Variants in GTF2F2 observed in about 807,000 individuals in gnomAD.
GTF2F2 encodes ATP-dependent helicase GTF2F2.
A neutral mutation model predicts 42.2 loss-of-function variants in GTF2F2; 23 were observed. The observed-to-expected ratio is 0.55, with a 90% CI of 0.39 to 0.77. GTF2F2 has a LOEUF of 0.77. Ranked by LOEUF, GTF2F2 falls within the 30% of genes least tolerant of loss-of-function variation. The probability of loss-of-function intolerance (pLI) is 0.00; values close to 1 mark genes in which losing one functional copy is unlikely to be tolerated. For missense variants in GTF2F2, 261 were observed against 287.2 expected (o/e 0.91, Z 0.66); for synonymous variants, 105 against 100.8 (o/e 1.04, Z -0.25).
At chr13:45,270,281 A>G (rs1470901848) in intron 7 of GTF2F2, among the ~76,000 whole-genome samples, 3 of 152,204 alleles carry the variant, frequency 2.0e-5, no homozygotes, top group South Asian at 2.1e-4. Flanking sequence ...TAACTGATAT[A>G]AAGTCGGGGA....
intron 4 of GTF2F2, among the ~76,000 whole-genome samples, chr13:45,163,881 T>C (rs1192356407): frequency 6.6e-6 from 1 of 152,168 alleles, no homozygotes; most frequent in Non-Finnish European, 1.5e-5. Context: ...GGGCTGGATG[T>C]GGTGGCTCAC....
chr13:45,203,887 A>G (rs1046686179), intron 4 of GTF2F2, among the ~76,000 whole-genome samples: 8 of 152,262 alleles, frequency 5.3e-5, no homozygotes, highest in African/African-American at 1.9e-4. Flanking sequence ...GTCTTATCCT[A>G]CGAGACCAGC....
At chr13:45,276,355 A>G (rs1026381474) in intron 7 of GTF2F2, among the ~76,000 whole-genome samples, 3 of 152,108 alleles carry the variant, frequency 2.0e-5, no homozygotes, top group African/African-American at 7.2e-5. Flanking sequence ...AAATTTTCAT[A>G]TGAATATATG....
At chr13:45,216,274 T>C (rs187002459) in intron 5 of GTF2F2, among the ~76,000 whole-genome samples, 44 of 152,268 alleles carry the variant, frequency 2.9e-4, no homozygotes, top group African/African-American at 1.0e-3. Flanking sequence ...GTTATACATA[T>C]ATATGTATAT....
At chr13:45,120,779 C>G (rs1868587690) in intron 1 of GTF2F2, 58 bp downstream of exon 1, 1 of 1,290,408 alleles carries the variant, frequency 7.7e-7, no homozygotes, top group Admixed American at 2.0e-5. Flanking sequence ...GTTTAAGTAA[C>G]TTGAGCCTAT....
chr13:45,226,237 T>C (rs1046019531), intron 5 of GTF2F2, among the ~76,000 whole-genome samples: 1 of 152,192 alleles, frequency 6.6e-6, no homozygotes, highest in African/African-American at 2.4e-5. Context: ...AAAGGAAATT[T>C]GAGGCTATAT....
At chr13:45,241,010 G>A (rs1280557332) in intron 5 of GTF2F2, among the ~76,000 whole-genome samples, 1 of 149,874 alleles carries the variant, frequency 6.7e-6, no homozygotes, top group African/African-American at 2.4e-5. Context: ...AAAATTAGTC[G>A]GGTGTGGTGG....
intron 4 of GTF2F2, chr13:45,194,784 T>C: frequency 1.8e-6 from 1 of 560,534 alleles, no homozygotes; most frequent in South Asian, 2.7e-5. Context: ...AGAATTTGCA[T>C]TTAACTGTAT....
chr13:45,261,644 A>G (rs1345660665), intron 6 of GTF2F2, among the ~76,000 whole-genome samples: 3 of 152,200 alleles, frequency 2.0e-5, no homozygotes, highest in Non-Finnish European at 4.4e-5. Flanking sequence ...CAGTCTTACT[A>G]AGAGTTGTAG....
chr13:45,148,966 G>C (rs971209408), intron 2 of GTF2F2, among the ~76,000 whole-genome samples: 6 of 152,002 alleles, frequency 3.9e-5, no homozygotes, highest in African/African-American at 1.4e-4. Context: ...TTATAATAGA[G>C]GAAAATTGCT....
intron 5 of GTF2F2, among the ~76,000 whole-genome samples, chr13:45,239,941 A>G (rs1566147123): frequency 1.3e-5 from 2 of 152,102 alleles, no homozygotes; most frequent in Non-Finnish European, 2.9e-5. Context: ...GCATGTCACA[A>G]TTCTGCCAGG....
intron 5 of GTF2F2, among the ~76,000 whole-genome samples, chr13:45,248,434 GTTTT>G (rs1237615754): frequency 2.0e-5 from 3 of 151,136 alleles, no homozygotes; most frequent in Non-Finnish European, 3.0e-5. Context: ...TTTGTTTTTT[GTTTT>G]TTTGTTTTTG....
intron 4 of GTF2F2, among the ~76,000 whole-genome samples, chr13:45,158,307 C>T (rs1444340979): frequency 2.6e-5 from 4 of 152,202 alleles, no homozygotes; most frequent in African/African-American, 7.2e-5. Flanking sequence ...TCTGTCTTGT[C>T]TGCCACCATG....
chr13:45,148,047 C>T (rs1478108233), intron 2 of GTF2F2, among the ~76,000 whole-genome samples: 2 of 152,162 alleles, frequency 1.3e-5, no homozygotes, highest in African/African-American at 2.4e-5. Flanking sequence ...AGGATCCATA[C>T]TTAATACTGT....
intron 5 of GTF2F2, among the ~76,000 whole-genome samples, chr13:45,227,816 G>A (rs1273884000): frequency 6.6e-6 from 1 of 152,186 alleles, no homozygotes; most frequent in East Asian, 1.9e-4. Context: ...GTCCTCTGCA[G>A]TAGAGAGATG....
chr13:45,283,169 G>A (rs1163885766), intron 7 of GTF2F2, among the ~76,000 whole-genome samples: 1 of 151,800 alleles, frequency 6.6e-6, no homozygotes, highest in Admixed American at 6.6e-5. Flanking sequence ...TGTTTTTTGT[G>A]TTTTTTTTGT....
At chr13:45,261,249 AC>A (rs1876329771) in intron 6 of GTF2F2, among the ~76,000 whole-genome samples, 2 of 151,558 alleles carry the variant, frequency 1.3e-5, no homozygotes, top group Admixed American at 1.3e-4. Flanking sequence ...ACACGGTGAA[AC>A]CCTTTCTTTA....
At chr13:45,192,194 T>C (rs1409679179) in intron 4 of GTF2F2, among the ~76,000 whole-genome samples, 1 of 152,170 alleles carries the variant, frequency 6.6e-6, no homozygotes, top group Admixed American at 6.5e-5. Flanking sequence ...ATGTAAAAGA[T>C]AATGTTTTAG....
intron 4 of GTF2F2, among the ~76,000 whole-genome samples, chr13:45,174,594 T>G (rs1398983191): frequency 5.3e-5 from 8 of 151,864 alleles, no homozygotes; most frequent in African/African-American, 9.7e-5. Flanking sequence ...TGCACCATTT[T>G]TTTGGTATGA....
Sources: gnomAD v4.1 joint callset for allele counts (sites outside exome capture counted in the v4.1 genomes callset) on GRCh38, gnomAD v4.1.1 for gene constraint, MANE v1.5 for transcripts, NCBI Gene and HGNC (gene_info 2026-07-23, HGNC 2026-07-21) for gene names.